WDR19: variants seen among roughly 807,000 people sequenced by gnomAD.
WDR19 encodes WD repeat domain 19.
WDR19 carries 121 observed loss-of-function variants against 180.0 expected under a neutral mutation model. The observed-to-expected ratio is 0.67, with a 90% CI of 0.58 to 0.78. The LOEUF (loss-of-function observed/expected upper bound fraction) is 0.78, where lower values mean the gene tolerates loss of function less well. WDR19 is among the 30% of genes least tolerant of loss of function. The pLI is 0.00. For missense variants in WDR19, 1,450 were observed against 1,640.7 expected (o/e 0.88, Z 2.01); for synonymous variants, 497 against 540.7 (o/e 0.92, Z 1.12).
In WDR19 at chr4:39,218,007, C is replaced by T; in HGVS notation, c.1381C>T (p.Gln461Ter). Residue 461 changes from glutamine to a stop codon, truncating the protein, a stop_gained, in exon 14 of 37, where the codon CAA (glutamine) becomes TAA (stop). Transcript: ENST00000399820. LOFTEE classifies it high-confidence loss of function. ...HLIESEILDA[Q>*]EERETRLFPA... ...GATAGAAAGCGAAATCTTGGATGCT[C>T]AAGAAGAACGTGAGACTCGGCTTTT... The T allele has an allele frequency of 6.2e-7, 1 of 1,613,752 alleles. No individual in the cohort carries two copies. Among genetic ancestry groups the T allele is most frequent in the Non-Finnish European group, 8.5e-7 (1 of 1,179,788 alleles).
Position 39,244,349 on chromosome 4 carries a change from C to G in WDR19, c.2523C>G (p.Val841=), listed in dbSNP as rs914609619. The change falls in exon 22 of 37, where the codon GTC becomes GTG. Residue 841 remains valine (V), a synonymous_variant. Transcript: ENST00000399820. ...VNQALKHPSR[V]LKRDCGAILE... is the part of the protein sequence containing the mutation. Reference sequence around the variant, plus strand: ...AAGCCCTCAAGCATCCCAGCAGGGTCCTTAAAAGAGACTGTGGAGCCATAT... The same window carrying G: ...AAGCCCTCAAGCATCCCAGCAGGGTGCTTAAAAGAGACTGTGGAGCCATAT... 6.2e-7 allele frequency: 1 copy of G among 1,613,908 alleles called. No individual in the cohort carries two copies. The highest frequency in any genetic ancestry group is 8.5e-7 in the Non-Finnish European group (1 of 1,179,850).
intron 30 of WDR19, 110 bp from the exon 31 acceptor site, chr4:39,269,866 A>G: frequency 7.3e-7 from 1 of 1,377,086 alleles, no homozygotes; most frequent in Non-Finnish European, 1.0e-6. Context: ...GACATTATTA[A>G]GAGATTACTA....
In WDR19 at chr4:39,268,087, T is replaced by G. The variant is rs763549620; in HGVS notation, c.3354T>G (p.Ser1118=). The G allele has an allele frequency of 5.1e-6, 8 of 1,583,070 alleles. No individual in the cohort carries two copies. The Admixed American group carries it at 1.4e-4, about 28-fold the overall frequency. ...TAIIIAREEQ[S]AGNYRNAHDV... is the part of the protein sequence containing the mutation. ...TCATCATTGCCAGAGAAGAGCAGTC[T>G]GCAGGTAGGTCCGTGATACGTATGT... The change falls in exon 30 of 37, where the codon TCT becomes TCG. Residue 1118 remains serine, a synonymous_variant. Transcript: ENST00000399820.
At chr4:39,233,508 A>G (rs1278915900) in intron 19 of WDR19, among the ~76,000 whole-genome samples, 1 of 152,244 alleles carries the variant, frequency 6.6e-6, no homozygotes, top group East Asian at 1.9e-4. Context: ...TGCCTGATCA[A>G]TAGTAAAGAC....
chr4:39,232,208 CCAA>C lies in WDR19; in HGVS notation c.2191_2193del (p.Asn731del). Reference sequence around the variant, plus strand: ...TTGGCAGGACACCTTGCCATGTTTACCAACGATTATAACCTGGCTCAGGACTTG... The same window carrying C: ...TTGGCAGGACACCTTGCCATGTTTACCGATTATAACCTGGCTCAGGACTTG... On this transcript the variant is annotated inframe_deletion, in exon 19 of 37. Transcript: ENST00000399820. 6.2e-7 allele frequency: 1 copy of C among 1,613,634 alleles called. No individual in the cohort carries two copies. Among genetic ancestry groups the C allele is most frequent in the Non-Finnish European group, 8.5e-7 (1 of 1,179,832 alleles).
At position 39,231,869 on chromosome 4, in the gene WDR19, T is replaced by A. The variant is rs368336762; in HGVS notation, c.2055T>A (p.Cys685Ter). The A allele has an allele frequency of 6.2e-7, 1 of 1,613,176 alleles. No individual in the cohort carries two copies. Among genetic ancestry groups the A allele is most frequent in the Admixed American group, 1.7e-5 (1 of 60,002 alleles). ...EAAWNELARA[C>*]LHHMEVEFAI... Reference sequence around the variant, plus strand: ...CCTGGAATGAGTTGGCCAGAGCTTGTCTACATCACATGGAAGTGGAGTTTG... The same window carrying A: ...CCTGGAATGAGTTGGCCAGAGCTTGACTACATCACATGGAAGTGGAGTTTG... The change falls in exon 18 of 37, where the codon TGT becomes TGA. Residue 685 changes from cysteine (C) to a stop codon, truncating the protein, a stop_gained. Coordinates refer to ENST00000399820, the MANE Select transcript of WDR19 (RefSeq NM_025132.4). LOFTEE classifies it high-confidence loss of function.
chr4:39,234,876 G>GT lies in WDR19; in HGVS notation c.2363+2dup, dbSNP rs1731226200. On this transcript the variant is annotated splice_donor_variant, in intron 20 of 36. Transcript: ENST00000399820. LOFTEE classifies it high-confidence loss of function. Reference sequence around the variant, plus strand: ...AATATGCTATTCAGCTTGAATTCGCGTAAGTCTTTGTTTTTATACATTTCA... The same window carrying GT: ...AATATGCTATTCAGCTTGAATTCGCGTTAAGTCTTTGTTTTTATACATTTCA... 6.5e-7 allele frequency: 1 copy of GT among 1,546,944 alleles called. No individual in the cohort carries two copies. Among genetic ancestry groups the GT allele is most frequent in the Non-Finnish European group, 8.8e-7 (1 of 1,141,192 alleles).
rs190924545 is a variant in WDR19, at chr4:39,184,709, T to C, written c.7-1017T>C. ...GTTTAATTTTGAGCATTGTAAGAGTTTTGTGTTGCCGCACAGACTAAGTCC... is the reference window on the plus strand; with the variant it reads ...GTTTAATTTTGAGCATTGTAAGAGTCTTGTGTTGCCGCACAGACTAAGTCC... On this transcript the variant is annotated intron_variant, in intron 1 of 36. Transcript: ENST00000399820. 1.4e-3 allele frequency among the ~76,000 whole-genome samples: 206 copies of C among 152,222 alleles called. No individual in the cohort carries two copies. In the Middle Eastern group the frequency reaches 0.014, roughly 10 times the overall value.
At chr4:39,251,917 A>G (rs1195789764) in intron 24 of WDR19, among the ~76,000 whole-genome samples, 2 of 152,206 alleles carry the variant, frequency 1.3e-5, no homozygotes, top group Non-Finnish European at 2.9e-5. Flanking sequence ...GTGGGACTGT[A>G]AACTAGTTCA....
At chr4:39,259,818 C>T (rs1208253083) in intron 28 of WDR19, among the ~76,000 whole-genome samples, 1 of 152,322 alleles carries the variant, frequency 6.6e-6, no homozygotes, top group Admixed American at 6.5e-5. Flanking sequence ...TTTCCTGAAG[C>T]AGCTGACCAC....
intron 9 of WDR19, among the ~76,000 whole-genome samples, chr4:39,206,426 T>C (rs1727957969): frequency 6.6e-6 from 1 of 152,216 alleles, no homozygotes; most frequent in Non-Finnish European, 1.5e-5. Context: ...TTAGAGGCTG[T>C]GGCTTCAAGA....
chr4:39,284,667 A>AAT (rs1560577199), intron 36 of WDR19, among the ~76,000 whole-genome samples: 3 of 148,978 alleles, frequency 2.0e-5, no homozygotes, highest in African/African-American at 2.5e-5. Flanking sequence ...AAAAAAAAAA[A>AAT]TTCAGATTTT....
At chr4:39,261,937 G>GT (rs1231612531) in intron 28 of WDR19, among the ~76,000 whole-genome samples, 1 of 8,306 alleles carries the variant, frequency 1.2e-4, no homozygotes, top group African/African-American at 1.4e-4. Context: ...TTTACTACTG[G>GT]ATTTTTTTTC....
At position 39,215,920 on chromosome 4, in the gene WDR19, G is replaced by A. The variant is rs2109326437; in HGVS notation, c.1041G>A (p.Leu347=). Residue 347 remains leucine, a synonymous_variant, in exon 11 of 37, where the codon CTG becomes CTA. Transcript: ENST00000399820. Reference sequence around the variant, plus strand: ...AAAGGGGCTCACTTCATGTTTTCCTGACCAAGCTTCCCATACTTGGGGATG... The same window carrying A: ...AAAGGGGCTCACTTCATGTTTTCCTAACCAAGCTTCCCATACTTGGGGATG... The part of the protein sequence containing the change: ...STQRGSLHVF[L]TKLPILGDAC... 1.2e-6 allele frequency: 2 copies of A among 1,613,706 alleles called. No homozygotes were observed. Among genetic ancestry groups the A allele is most frequent in the Non-Finnish European group, 1.7e-6 (2 of 1,179,788 alleles).
rs1007171451 is a variant in WDR19 at position 39,219,676 on chromosome 4, G to A, written c.1479+1571G>A. On this transcript the variant is annotated intron_variant, in intron 14 of 36. Transcript: ENST00000399820. ...CAATTCAACTTCAGATCTCTAATGC[G>A]TGCATTTAGTAGGCATTCAGCAAAT... Among the ~76,000 whole-genome samples, 6 of 152,192 alleles carry A rather than the reference G, an allele frequency of 3.9e-5. No individual in the cohort carries two copies. The East Asian group carries it at 7.7e-4, about 20-fold the overall frequency.
At chr4:39,232,316 G>A in intron 19 of WDR19, 44 bp downstream of exon 19, 1 of 1,499,122 alleles carries the variant, frequency 6.7e-7, no homozygotes, top group Non-Finnish European at 9.1e-7. Flanking sequence ...GAGGTATCCA[G>A]TGGGGAAATG....
chr4:39,201,538 G>A (rs1727376501), intron 6 of WDR19, among the ~76,000 whole-genome samples: 1 of 152,154 alleles, frequency 6.6e-6, no homozygotes. Flanking sequence ...GTTCAAGCCT[G>A]GACTAACTGA....
intron 31 of WDR19, 89 bp downstream of exon 31, chr4:39,270,189 A>G: frequency 6.6e-7 from 1 of 1,519,320 alleles, no homozygotes; most frequent in South Asian, 1.2e-5. Context: ...ATTGGATTCG[A>G]GTGATTGTCT....
Position 39,245,237 on chromosome 4 carries a change from C to T in WDR19, c.2646-132C>T, listed in dbSNP as rs916488995. 3.3e-5 allele frequency: 23 copies of T among 692,808 alleles called. 1 individual carries two copies. The highest frequency in any genetic ancestry group is 9.1e-5 in the African/African-American group (5 of 54,778). The allele number at this position is 692,808 out of a possible 1,614,324, so 42.9% of individuals were successfully genotyped here. On this transcript the variant is annotated intron_variant, in intron 23 of 36. Coordinates refer to ENST00000399820, the MANE Select transcript of WDR19 (RefSeq NM_025132.4). ...TCTGGGATTACAGGCCACTGCACCC[C>T]GCCAGGAGCCAAGATTTTTGAAAGA...
Sources: allele counts gnomAD v4.1 joint callset (sites outside exome capture counted in the v4.1 genomes callset), GRCh38; gene constraint gnomAD v4.1.1; transcripts MANE v1.5; gene names NCBI Gene and HGNC (gene_info 2026-07-23, HGNC 2026-07-21).